METTL15: variants seen among roughly 807,000 people sequenced by gnomAD.
METTL15 encodes the protein 12S rRNA N(4)-cytidine methyltransferase METTL15.
METTL15 carries 34 observed loss-of-function variants against 38.3 expected under a neutral mutation model. The observed-to-expected ratio is 0.89, with a 90% confidence interval of 0.68 to 1.18. The LOEUF (loss-of-function observed/expected upper bound fraction) is 1.18, where lower values mean the gene tolerates loss of function less well. METTL15 is among the 50% of genes most tolerant of loss of function. The pLI is 0.00. For synonymous variants in METTL15, 162 were observed against 170.9 expected (o/e 0.95, Z 0.41); for missense variants, 438 against 498.4 (o/e 0.88, Z 1.15).
chr11:28,430,891 G>A (rs1253264843), intron 6 of METTL15, among the ~76,000 whole-genome samples: 11 of 118,890 alleles, frequency 9.3e-5, no homozygotes, highest in African/African-American at 2.2e-4. Context: ...CGCCCCGTCC[G>A]GGAGGGAGGT....
At chr11:28,208,632 T>C (rs890783464) in intron 3 of METTL15, among the ~76,000 whole-genome samples, 1 of 152,062 alleles carries the variant, frequency 6.6e-6, no homozygotes, top group Non-Finnish European at 1.5e-5. Flanking sequence ...AGGTCCGCTT[T>C]GTGCAGAGCT....
At chr11:28,430,341 C>CG (rs1462969542) in intron 6 of METTL15, among the ~76,000 whole-genome samples, 1 of 67,070 alleles carries the variant, frequency 1.5e-5, no homozygotes, top group Non-Finnish European at 3.4e-5. Context: ...GTCAGCCCCC[C>CG]GCCCGGCCAG....
intron 4 of METTL15, among the ~76,000 whole-genome samples, chr11:28,222,599 G>A (rs372796231): frequency 3.3e-5 from 5 of 152,302 alleles, no homozygotes; most frequent in African/African-American, 1.2e-4. Flanking sequence ...AGATGAACCT[G>A]GTACCTCAGT....
At chr11:28,369,325 G>A (rs1440536641) in intron 5 of METTL15, among the ~76,000 whole-genome samples, 1 of 151,990 alleles carries the variant, frequency 6.6e-6, no homozygotes, top group Admixed American at 6.6e-5. Flanking sequence ...AAGTGGACCA[G>A]TATTGCATTA....
chr11:28,243,359 A>G (rs1262531313), intron 4 of METTL15, among the ~76,000 whole-genome samples: 1 of 152,166 alleles, frequency 6.6e-6, no homozygotes, highest in Non-Finnish European at 1.5e-5. Flanking sequence ...GCAGTGTAAT[A>G]TTTGGTGAAA....
intron 4 of METTL15, among the ~76,000 whole-genome samples, chr11:28,238,082 G>A (rs1378218276): frequency 1.3e-5 from 2 of 152,168 alleles, no homozygotes; most frequent in Non-Finnish European, 2.9e-5. Context: ...GAGGCAGTCT[G>A]CCCGTTCTCA....
At chr11:28,309,976 A>T (rs1857218137) in intron 6 of METTL15, among the ~76,000 whole-genome samples, 1 of 152,132 alleles carries the variant, frequency 6.6e-6, no homozygotes, top group African/African-American at 2.4e-5. Context: ...TTCCACTCAG[A>T]TCCATCTGCA....
intron 4 of METTL15, among the ~76,000 whole-genome samples, chr11:28,240,075 C>G (rs1362059325): frequency 6.6e-6 from 1 of 152,012 alleles, no homozygotes; most frequent in East Asian, 1.9e-4. Flanking sequence ...ACAAACATAG[C>G]AAGTAAAATA....
At chr11:28,487,172 A>C (rs1851446037) in intron 6 of METTL15, among the ~76,000 whole-genome samples, 1 of 152,200 alleles carries the variant, frequency 6.6e-6, no homozygotes, top group Non-Finnish European at 1.5e-5. Flanking sequence ...TAAAAGGCAC[A>C]TACCTTCTGA....
rs990033101 is a variant in METTL15 at position 28,108,398 on chromosome 11, G to A, written c.-308G>A. The A allele has an allele frequency of 1.3e-5, 2 of 152,530 alleles. No individual in the cohort carries two copies. The highest frequency in any genetic ancestry group is 1.3e-4 in the Admixed American group (2 of 15,288). 9.4% of individuals were successfully genotyped at this position (152,530 alleles called of 1,614,324 possible). A position where few individuals can be genotyped will look rare whatever the true frequency, so the allele number is the denominator to read the frequency against. ...CTGCTGGTGGGAGGCAGCCACTTGA[G>A]ATCACCAGGCCTCCTGTAGACCGGC... On this transcript the variant is annotated 5_prime_UTR_variant, in exon 1 of 7. Transcript: ENST00000407364.
At chr11:28,312,812 T>C (rs889941361) in intron 6 of METTL15, among the ~76,000 whole-genome samples, 40 of 152,092 alleles carry the variant, frequency 2.6e-4, no homozygotes, top group African/African-American at 9.4e-4. Flanking sequence ...GGAGTTCACT[T>C]CCTCAAAAAC....
rs756098921 is a variant in METTL15 at position 28,163,529 on chromosome 11, A to ATC, written c.271-47511_271-47510dup. The stretch of plus-strand genomic sequence containing the variant: ...TCTAATAAGATGCTTCTTCTTACTG[A>ATC]TCTCTCTCTCTCTCTCTCTCTCTGT... On this transcript the variant is annotated intron_variant, in intron 3 of 6. Transcript: ENST00000407364. The ATC allele has an allele frequency of 4.7e-3, 1,589 of 336,996 alleles. 5 individuals carry two copies. The highest frequency in any genetic ancestry group is 0.013 in the African/African-American group (600 of 45,940). 20.9% of individuals were successfully genotyped at this position (336,996 alleles called of 1,614,324 possible). A position where few individuals can be genotyped will look rare whatever the true frequency, so the allele number is the denominator to read the frequency against.
At chr11:28,344,533 A>C (rs1175893171) in intron 3 of METTL15, among the ~76,000 whole-genome samples, 2 of 152,196 alleles carry the variant, frequency 1.3e-5, no homozygotes, top group African/African-American at 4.8e-5. Context: ...CTCTCAATTC[A>C]AGTCACATTT....
chr11:28,402,248 C>A (rs11827285), intron 5 of METTL15, among the ~76,000 whole-genome samples: 8,331 of 151,974 alleles, frequency 0.055, 402 homozygotes, highest in African/African-American at 0.13. Flanking sequence ...GATTCTGCCT[C>A]CTAAATACTC....
chr11:28,129,367 T>C (rs1252833071), intron 3 of METTL15, among the ~76,000 whole-genome samples: 1 of 152,096 alleles, frequency 6.6e-6, no homozygotes, highest in Non-Finnish European at 1.5e-5. Context: ...TTTTCTTAAA[T>C]ATAAAACTTG....
chr11:28,379,752 A>T (rs765498608), intron 5 of METTL15, among the ~76,000 whole-genome samples: 2 of 152,074 alleles, frequency 1.3e-5, no homozygotes, highest in Non-Finnish European at 2.9e-5. Flanking sequence ...TTTAACTCCA[A>T]TATTTCTTTG....
At chr11:28,317,209 G>A (rs1857511382) in intron 6 of METTL15, among the ~76,000 whole-genome samples, 2 of 152,068 alleles carry the variant, frequency 1.3e-5, no homozygotes, top group Admixed American at 1.3e-4. Flanking sequence ...CCTGGTAGGA[G>A]TTGGGGATTA....
intron 3 of METTL15, among the ~76,000 whole-genome samples, chr11:28,189,473 T>C (rs1449092323): frequency 6.6e-6 from 1 of 151,282 alleles, no homozygotes; most frequent in Non-Finnish European, 1.5e-5. Context: ...AAAGCACTAA[T>C]TGGAATAATG....
intron 5 of METTL15, among the ~76,000 whole-genome samples, chr11:28,375,987 T>C (rs1396298354): frequency 1.3e-5 from 2 of 152,214 alleles, no homozygotes; most frequent in Non-Finnish European, 2.9e-5. Flanking sequence ...TTGAGTAAGA[T>C]TCTTAATCCT....
Sources: allele counts gnomAD v4.1 joint callset (sites outside exome capture counted in the v4.1 genomes callset), GRCh38; gene constraint gnomAD v4.1.1; transcripts MANE v1.5; gene names NCBI Gene and HGNC (gene_info 2026-07-23, HGNC 2026-07-21).